The following CCL28 variants were observed in gnomAD, a reference collection of about 807,000 sequenced individuals.
CCL28 encodes C-C motif chemokine ligand 28, also known as C-C motif chemokine 28.
In CCL28, 4 loss-of-function variants were observed where a neutral mutation model predicts 7.1. That is an observed-to-expected ratio of 0.56 (90% CI 0.28 to 1.29). The LOEUF is 1.29. CCL28 is among the 50% of genes most tolerant of loss of function. CCL28 has a pLI of 0.11. For synonymous variants in CCL28, 55 were observed against 57.8 expected, an observed-to-expected ratio of 0.95 and a Z score of 0.22; for missense variants, 151 against 163.4, an observed-to-expected ratio of 0.92 and a Z score of 0.41.
intron 1 of CCL28, among the ~76,000 whole-genome samples, chr5:43,409,943 G>A (rs2111926160): frequency 6.6e-6 from 1 of 152,180 alleles, no homozygotes; most frequent in South Asian, 2.1e-4. Flanking sequence ...AGAATCCAAG[G>A]CTTTTAATTA....
At chr5:43,377,750 T>TTTG (rs1561151422), downstream of CCL28, among the ~76,000 whole-genome samples, 2 of 126,734 alleles carry the variant, frequency 1.6e-5, no homozygotes, top group Non-Finnish European at 3.3e-5. Context: ...TTTTTTTTTT[T>TTTG]GAGACGGAGT....
chr5:43,402,694 A>G (rs1464911259), intron 1 of CCL28, among the ~76,000 whole-genome samples: 2 of 152,174 alleles, frequency 1.3e-5, no homozygotes, highest in Non-Finnish European at 2.9e-5. Flanking sequence ...ATGGAGCGTG[A>G]GCTGAAGCAG....
chr5:43,382,568 T>G (rs1056861041), intron 2 of CCL28, among the ~76,000 whole-genome samples: 1 of 152,212 alleles, frequency 6.6e-6, no homozygotes, highest in Non-Finnish European at 1.5e-5. Flanking sequence ...TGGCACTTAC[T>G]TTATTCTGTC....
At chr5:43,389,565 A>G (rs1257600680) in intron 1 of CCL28, among the ~76,000 whole-genome samples, 2 of 152,210 alleles carry the variant, frequency 1.3e-5, no homozygotes, top group African/African-American at 2.4e-5. Context: ...GCATGGTAGC[A>G]ATTAAGAATC....
chr5:43,408,805 C>A (rs1224023417), intron 1 of CCL28, among the ~76,000 whole-genome samples: 1 of 151,440 alleles, frequency 6.6e-6, no homozygotes, highest in Non-Finnish European at 1.5e-5. Flanking sequence ...TGAAAATACA[C>A]TAAGTATTTG....
Position 43,393,735 on chromosome 5 carries a change from T to C in CCL28, c.65-5259A>G, listed in dbSNP as rs535632573. Among the ~76,000 whole-genome samples the C allele has an allele frequency of 8.5e-5, 13 of 152,344 alleles. 1 individual carries two copies. Among genetic ancestry groups the C allele is most frequent in the Non-Finnish European group, 1.6e-4 (11 of 68,032 alleles). On this transcript the variant is annotated intron_variant, in intron 1 of 2. Coordinates refer to ENST00000361115, the MANE Select transcript of CCL28 (RefSeq NM_148672.3). Reference sequence around the variant, plus strand: ...TTACTTTTGGATTGAGATAAATCTCTACAAGGATTAAGCCCACTCTTCAGT... The same window carrying C: ...TTACTTTTGGATTGAGATAAATCTCCACAAGGATTAAGCCCACTCTTCAGT...
At chr5:43,408,234 C>G (rs1397352500) in intron 1 of CCL28, among the ~76,000 whole-genome samples, 1 of 152,174 alleles carries the variant, frequency 6.6e-6, no homozygotes, top group African/African-American at 2.4e-5. Context: ...GACTTGGAAC[C>G]AACCCACATG....
chr5:43,385,554 T>A (rs560637621), intron 2 of CCL28, among the ~76,000 whole-genome samples: 186 of 152,324 alleles, frequency 1.2e-3, no homozygotes, highest in Non-Finnish European at 2.1e-3. Flanking sequence ...ACATGCTCCA[T>A]ACTAAACTAA....
At chr5:43,394,036 G>A (rs1315117596) in intron 1 of CCL28, among the ~76,000 whole-genome samples, 1 of 151,852 alleles carries the variant, frequency 6.6e-6, no homozygotes, top group African/African-American at 2.4e-5. Flanking sequence ...TTTCTCTTCT[G>A]TATTGGTACA....
the CCL28 span, among the ~76,000 whole-genome samples, chr5:43,369,974 T>A: frequency 1.3e-5 from 2 of 152,146 alleles, no homozygotes; most frequent in African/African-American, 4.8e-5. Context: ...AGGAAAAGAC[T>A]CTGAGATATG....
intron 1 of CCL28, among the ~76,000 whole-genome samples, chr5:43,408,853 G>A (rs1028284845): frequency 2.7e-5 from 4 of 148,876 alleles, no homozygotes; most frequent in African/African-American, 9.9e-5. Context: ...TTTAATTTTT[G>A]TGACATTTTT....
rs1740069536 is a variant in CCL28 at position 43,380,574 on chromosome 5, G to A, written c.*1286C>T. The stretch of plus-strand genomic sequence containing the variant: ...CCAGTACTTTGGGAGGCTAAGGTGG[G>A]AGGATCGCTTGAGCCCAGGAGTTTG... On this transcript the variant is annotated 3_prime_UTR_variant, in exon 3 of 3. Transcript: ENST00000361115. 1 of 152,244 alleles carries A rather than the reference G, an allele frequency of 6.6e-6. No individual in the cohort carries two copies. The highest frequency in any genetic ancestry group is 1.9e-4 in the East Asian group (1 of 5,206). 9.4% of individuals were successfully genotyped at this position (152,244 alleles called of 1,614,324 possible).
At chr5:43,374,558 G>A (rs997999599), downstream of CCL28, among the ~76,000 whole-genome samples, 3 of 152,124 alleles carry the variant, frequency 2.0e-5, no homozygotes, top group Admixed American at 6.5e-5. Context: ...CAAGGCGGGC[G>A]GATCACGAGG....
intron 1 of CCL28, among the ~76,000 whole-genome samples, chr5:43,408,037 T>G (rs1741366078): frequency 6.6e-6 from 1 of 152,246 alleles, no homozygotes; most frequent in South Asian, 2.1e-4. Flanking sequence ...TTTACACTGT[T>G]AGTGGGACTC....
At chr5:43,404,688 G>C (rs1018087131) in intron 1 of CCL28, among the ~76,000 whole-genome samples, 1 of 152,150 alleles carries the variant, frequency 6.6e-6, no homozygotes, top group Non-Finnish European at 1.5e-5. Flanking sequence ...TGGGCTAAAT[G>C]CTCCAATTAA....
chr5:43,387,038 G>A (rs1013189812), intron 2 of CCL28, among the ~76,000 whole-genome samples: 10 of 152,316 alleles, frequency 6.6e-5, no homozygotes, highest in Middle Eastern at 3.4e-3. Context: ...TCAGGCATAA[G>A]CAATGGGTTT....
the CCL28 span, among the ~76,000 whole-genome samples, chr5:43,362,095 C>T: frequency 6.6e-6 from 1 of 152,066 alleles, no homozygotes; most frequent in Non-Finnish European, 1.5e-5. Context: ...GCAGTATGAC[C>T]ATTTTAATGA....
chr5:43,358,274 T>C, the CCL28 span, among the ~76,000 whole-genome samples: 1 of 152,176 alleles, frequency 6.6e-6, no homozygotes, highest in East Asian at 1.9e-4. Flanking sequence ...CAACACCTCA[T>C]TGTACAAAGT....
chr5:43,407,550 G>A (rs796293227), intron 1 of CCL28, among the ~76,000 whole-genome samples: 2 of 152,180 alleles, frequency 1.3e-5, no homozygotes, highest in Non-Finnish European at 2.9e-5. Context: ...CTAGAAGAAA[G>A]CCTATGCAAT....
Sources: gnomAD v4.1 joint callset for allele counts (sites outside exome capture counted in the v4.1 genomes callset) on GRCh38, gnomAD v4.1.1 for gene constraint, MANE v1.5 for transcripts, NCBI Gene and HGNC (gene_info 2026-07-23, HGNC 2026-07-21) for gene names.